The following CTNNA3 variants were observed in gnomAD, a reference collection of about 807,000 sequenced individuals.
The protein encoded by CTNNA3 is catenin alpha-3.
A neutral mutation model predicts 95.7 loss-of-function variants in CTNNA3; 76 were observed. The ratio of observed to expected loss-of-function variants is 0.79; its 90% CI spans 0.66 to 0.96. CTNNA3 has a LOEUF of 0.96. Ranked by LOEUF, CTNNA3 falls within the 40% of genes least tolerant of loss-of-function variation. The pLI is 0.00. For missense variants in CTNNA3, 1,191 were observed against 1,089.8 expected (o/e 1.09, Z -1.31); for synonymous variants, 431 against 374.4 (o/e 1.15, Z -1.74).
chr10:66,276,586 T>G (rs2091403590), intron 13 of CTNNA3, among the ~76,000 whole-genome samples: 1 of 152,142 alleles, frequency 6.6e-6, no homozygotes, highest in Admixed American at 6.6e-5. Flanking sequence ...CATTTAACAG[T>G]CTATCATTTA....
At chr10:66,797,312 T>C (rs776551638) in intron 7 of CTNNA3, among the ~76,000 whole-genome samples, 4 of 151,518 alleles carry the variant, frequency 2.6e-5, no homozygotes, top group Non-Finnish European at 5.9e-5. Context: ...AATGTGGTAC[T>C]TAAACTATGG....
chr10:66,849,829 T>G (rs1349697889), intron 7 of CTNNA3, among the ~76,000 whole-genome samples: 1 of 152,170 alleles, frequency 6.6e-6, no homozygotes, highest in Non-Finnish European at 1.5e-5. Flanking sequence ...TTGTAGTACT[T>G]TGTTACTACA....
chr10:67,646,047 T>C (rs1839696442), intron 2 of CTNNA3, among the ~76,000 whole-genome samples: 1 of 150,018 alleles, frequency 6.7e-6, no homozygotes, highest in Non-Finnish European at 1.5e-5. Flanking sequence ...AACTTTATTG[T>C]ACTGGAAGTA....
intron 7 of CTNNA3, among the ~76,000 whole-genome samples, chr10:66,829,523 G>A (rs936942831): frequency 6.6e-6 from 1 of 151,146 alleles, no homozygotes; most frequent in Non-Finnish European, 1.5e-5. Flanking sequence ...TGAGGCACAA[G>A]AATTGCTTAA....
intron 11 of CTNNA3, among the ~76,000 whole-genome samples, chr10:66,380,617 C>CTATATATA: frequency 8.7e-6 from 1 of 114,804 alleles, no homozygotes; most frequent in African/African-American, 4.2e-5. Flanking sequence ...ATCTATCTAT[C>CTATATATA]TATCTATCTA....
chr10:67,119,629 C>A (rs1422720591), intron 7 of CTNNA3, among the ~76,000 whole-genome samples: 1 of 151,820 alleles, frequency 6.6e-6, no homozygotes, highest in Non-Finnish European at 1.5e-5. Context: ...CTTTCTAAAT[C>A]TTTTAGTATC....
chr10:66,588,922 G>T lies in CTNNA3; in HGVS notation c.1374+32770C>A, dbSNP rs911468236. Among the ~76,000 whole-genome samples, 5 of 145,774 alleles carry T rather than the reference G, an allele frequency of 3.4e-5. No individual in the cohort carries two copies. The East Asian group carries it at 1.3e-3, about 38-fold the overall frequency. ...AGTGGAGATAAAAGAAGGTCTCTGTGTCTGAAGCCAACATCAGTTAAAGTG... is the reference window on the plus strand; with the variant it reads ...AGTGGAGATAAAAGAAGGTCTCTGTTTCTGAAGCCAACATCAGTTAAAGTG... On this transcript the variant is annotated intron_variant, in intron 10 of 17. Transcript: ENST00000433211.
chr10:67,362,817 C>T (rs930838211), intron 5 of CTNNA3, among the ~76,000 whole-genome samples: 88 of 151,732 alleles, frequency 5.8e-4, no homozygotes, highest in African/African-American at 2.1e-3. Context: ...AAATCAAACT[C>T]TCTCTCTTCA....
chr10:67,219,262 T>C (rs1240132788), intron 6 of CTNNA3, among the ~76,000 whole-genome samples: 2 of 152,202 alleles, frequency 1.3e-5, no homozygotes, highest in Non-Finnish European at 2.9e-5. Flanking sequence ...ATCAGATATG[T>C]CCCAAGCACA....
chr10:66,299,441 G>GT (rs1281732769), intron 12 of CTNNA3, among the ~76,000 whole-genome samples: 5 of 152,168 alleles, frequency 3.3e-5, no homozygotes, highest in Admixed American at 6.5e-5. Context: ...AGAAGAGAAA[G>GT]TAAGTGCTAG....
intron 10 of CTNNA3, among the ~76,000 whole-genome samples, chr10:66,599,819 T>A (rs528898004): frequency 6.6e-6 from 1 of 152,062 alleles, no homozygotes; most frequent in South Asian, 2.1e-4. Context: ...ACCACCAACA[T>A]AATTCAAATA....
At chr10:67,695,234 A>C (rs187489325) in intron 1 of CTNNA3, among the ~76,000 whole-genome samples, 1 of 152,366 alleles carries the variant, frequency 6.6e-6, no homozygotes, top group East Asian at 1.9e-4. Context: ...CTTAGTAGGC[A>C]CATATCAGTG....
At chr10:66,306,902 A>C (rs2091942271) in intron 12 of CTNNA3, among the ~76,000 whole-genome samples, 1 of 152,248 alleles carries the variant, frequency 6.6e-6, no homozygotes, top group Non-Finnish European at 1.5e-5. Flanking sequence ...AATGAGCTTA[A>C]AACTAGGCTG....
intron 10 of CTNNA3, among the ~76,000 whole-genome samples, chr10:66,566,543 G>A (rs2631209): frequency 0.36 from 54,692 of 151,816 alleles, 10,551 homozygotes; most frequent in Admixed American, 0.43. Context: ...TTGAGTGGGC[G>A]TATTTATTTT....
intron 5 of CTNNA3, among the ~76,000 whole-genome samples, chr10:67,315,491 G>A (rs1589157146): frequency 6.6e-6 from 1 of 151,962 alleles, no homozygotes; most frequent in Non-Finnish European, 1.5e-5. Flanking sequence ...AAACTGATAG[G>A]CCATCTCAAA....
At chr10:67,527,533 T>C (rs189991309) in intron 4 of CTNNA3, among the ~76,000 whole-genome samples, 1 of 152,346 alleles carries the variant, frequency 6.6e-6, no homozygotes, top group Admixed American at 6.5e-5. Context: ...AAATTTTCAG[T>C]TGAGCAAAGT....
At chr10:67,173,429 C>A (rs1166601961) in intron 7 of CTNNA3, among the ~76,000 whole-genome samples, 2 of 152,216 alleles carry the variant, frequency 1.3e-5, no homozygotes, top group African/African-American at 2.4e-5. Context: ...CAACACTCCC[C>A]ATAGGACAGC....
chr10:67,493,730 TC>T (rs1269167800), intron 5 of CTNNA3, among the ~76,000 whole-genome samples: 2 of 152,264 alleles, frequency 1.3e-5, no homozygotes, highest in African/African-American at 4.8e-5. Context: ...AACATTCGAC[TC>T]CCTCGCTTCT....
At chr10:67,462,645 C>G (rs1847423427) in intron 5 of CTNNA3, among the ~76,000 whole-genome samples, 1 of 152,158 alleles carries the variant, frequency 6.6e-6, no homozygotes, top group Non-Finnish European at 1.5e-5. Flanking sequence ...TAGAATGAAG[C>G]TCACATAATA....
Sources: allele counts gnomAD v4.1 joint callset (sites outside exome capture counted in the v4.1 genomes callset), GRCh38; gene constraint gnomAD v4.1.1; transcripts MANE v1.5; gene names NCBI Gene and HGNC (gene_info 2026-07-23, HGNC 2026-07-21).